The following ZNF862 variants were observed in gnomAD, a reference collection of about 807,000 sequenced individuals.
The protein encoded by ZNF862 is zinc finger protein 862.
A neutral mutation model predicts 91.1 loss-of-function variants in ZNF862; 64 were observed. The observed-to-expected ratio is 0.70, with a 90% CI of 0.57 to 0.87. The LOEUF (loss-of-function observed/expected upper bound fraction) is 0.87, where lower values mean the gene tolerates loss of function less well. Ranked by LOEUF, ZNF862 falls within the 40% of genes least tolerant of loss-of-function variation. ZNF862 has a pLI of 0.00. For synonymous variants in ZNF862, 631 were observed against 618.1 expected, an observed-to-expected ratio of 1.02 and a Z score of -0.31; for missense variants, 1,459 against 1,528.0, an observed-to-expected ratio of 0.95 and a Z score of 0.75.
intron 1 of ZNF862, chr7:149,841,188 C>T (rs754886945): frequency 6.1e-5 from 60 of 985,348 alleles, no homozygotes; most frequent in South Asian, 4.7e-5. Context: ...TGTTCTACAA[C>T]TCCACTCCGA....
intron 3 of ZNF862, among the ~76,000 whole-genome samples, chr7:149,846,613 T>C (rs1801881452): frequency 6.6e-6 from 1 of 152,144 alleles, no homozygotes; most frequent in Non-Finnish European, 1.5e-5. Context: ...AATGAATGAA[T>C]GAACAGCTGT....
At chr7:149,857,382 TA>T (rs1461311964) in intron 5 of ZNF862, among the ~76,000 whole-genome samples, 9 of 152,124 alleles carry the variant, frequency 5.9e-5, no homozygotes, top group Non-Finnish European at 5.9e-5. Flanking sequence ...CTAACAATGC[TA>T]TTTTTTTTAT....
intron 1 of ZNF862, among the ~76,000 whole-genome samples, chr7:149,843,685 G>C (rs77856513): frequency 0.01 from 1,559 of 152,222 alleles, 24 homozygotes; most frequent in African/African-American, 0.036. Context: ...ATAGCTCTGT[G>C]CTTGTGCGAG....
chr7:149,855,734 G>A lies in ZNF862; in HGVS notation c.1118-3688G>A, dbSNP rs1024546619. ...TATCACACTGGTAGCCAACCGTCAC[G>A]GGCAGGCCCCACAGACAACGCCAGG... On this transcript the variant is annotated intron_variant, in intron 5 of 7. Coordinates refer to ENST00000223210, the MANE Select transcript of ZNF862 (RefSeq NM_001099220.3). The surrounding 1 kb of genome is among the most constrained non-coding windows in gnomAD (Gnocchi z 4.1). Among the ~76,000 whole-genome samples the A allele has an allele frequency of 6.6e-6, 1 of 152,116 alleles. No individual in the cohort carries two copies. Among genetic ancestry groups the A allele is most frequent in the African/African-American group, 2.4e-5 (1 of 41,398 alleles).
At chr7:149,851,036 T>C (rs1415657176) in intron 5 of ZNF862, 1 of 152,332 alleles carries the variant, frequency 6.6e-6, no homozygotes, top group African/African-American at 2.4e-5. Flanking sequence ...GCATCTGCTG[T>C]TTTATCTTCT....
chr7:149,857,642 C>G (rs746992046), intron 5 of ZNF862, among the ~76,000 whole-genome samples: 1 of 152,096 alleles, frequency 6.6e-6, no homozygotes, highest in Non-Finnish European at 1.5e-5. Context: ...GGACTGGAAG[C>G]CCTGTGCATG....
Position 149,861,473 on chromosome 7 carries a change from G to C in ZNF862, c.2313G>C (p.Ala771=). ...GGCTGAACGAGCTGCAGGAAGGTGC[G>C]GCGCCTCTGGAGCAGGAGATCATCC... ...NKRLNELQEG[A]APLEQEIIRL... Residue 771 remains alanine, a synonymous_variant, in exon 7 of 8, where the codon GCG becomes GCC. Transcript: ENST00000223210. This position sits in a 1 kb window ranked among gnomAD's most constrained non-coding sequence, Gnocchi z 6.7. The C allele has an allele frequency of 1.9e-6, 3 of 1,613,118 alleles. No individual in the cohort carries two copies. The highest frequency in any genetic ancestry group is 1.1e-5 in the South Asian group (1 of 91,042).
intron 1 of ZNF862, among the ~76,000 whole-genome samples, chr7:149,840,208 A>T (rs1801656785): frequency 6.7e-6 from 1 of 150,298 alleles, no homozygotes; most frequent in Non-Finnish European, 1.5e-5. Flanking sequence ...AAAAAAAAAA[A>T]AAAAAAAAAA....
At chr7:149,863,218 C>G (rs1802582226) in intron 7 of ZNF862, among the ~76,000 whole-genome samples, 1 of 152,210 alleles carries the variant, frequency 6.6e-6, no homozygotes, top group African/African-American at 2.4e-5. Context: ...TCACTGAAAA[C>G]CAAAGAAAAT....
chr7:149,844,075 C>A (rs1274590349), intron 1 of ZNF862, among the ~76,000 whole-genome samples: 1 of 152,068 alleles, frequency 6.6e-6, no homozygotes. Flanking sequence ...CTTGTTTAAT[C>A]TGCCATCTTA....
chr7:149,859,669 G>C (rs2128941139), intron 6 of ZNF862, 143 bp downstream of exon 6: 1 of 656,854 alleles, frequency 1.5e-6, no homozygotes, highest in South Asian at 1.9e-5. Context: ...GGGTAGACAA[G>C]ATGAATAAGC....
rs373814141 is a variant in ZNF862, at chr7:149,860,950, C to T, written c.1790C>T (p.Thr597Met). ...ATATTAGGCAAGTACCGCAATCGCA[C>T]GGCGTGCACTCAGTTCATCAAGTAC... Reference protein sequence around the residue: ...TVILGKYRNRTACTQFIKYIS... With the variant: ...TVILGKYRNRMACTQFIKYIS... The change falls in exon 7 of 8, where the codon ACG (threonine) becomes ATG (methionine). Residue 597 changes from threonine (T) to methionine (M), a missense_variant. Transcript: ENST00000223210. 50 of 1,613,646 alleles carry T rather than the reference C, an allele frequency of 3.1e-5. No individual in the cohort carries two copies. The highest frequency in any genetic ancestry group is 2.9e-4 in the East Asian group (13 of 44,872).
chr7:149,843,507 T>G (rs1437393032), intron 1 of ZNF862, among the ~76,000 whole-genome samples: 1 of 152,168 alleles, frequency 6.6e-6, no homozygotes, highest in Non-Finnish European at 1.5e-5. Flanking sequence ...GATGATAGTT[T>G]TTTTTAAGTT....
intron 1 of ZNF862, 91 bp from the exon 2 acceptor site, chr7:149,844,534 C>A: frequency 1.2e-6 from 1 of 819,924 alleles, no homozygotes; most frequent in Non-Finnish European, 2.0e-6. Context: ...CACCCCTCCC[C>A]GTGTAGGGTG....
rs753490153 is a variant in ZNF862 at position 149,846,195 on chromosome 7, G to A, written c.181G>A (p.Gly61Arg). 2 of 1,613,664 alleles carry A rather than the reference G, an allele frequency of 1.2e-6. No individual in the cohort carries two copies. The highest frequency in any genetic ancestry group is 1.7e-6 in the Non-Finnish European group (2 of 1,179,830). Residue 61 changes from glycine (G) to arginine (R), a missense_variant, in exon 3 of 8, where the codon GGG becomes AGG. Physicochemically the swap from Gly to Arg is moderately radical, Grantham distance 125. Transcript: ENST00000223210. ...NPELFRKFGR[G>R]PEPWLGSVQG... ...TGAGCTGTTCCGCAAGTTCGGACGAGGGCCAGAGCCATGGCTTGGCAGCGT... is the reference window on the plus strand; with the variant it reads ...TGAGCTGTTCCGCAAGTTCGGACGAAGGCCAGAGCCATGGCTTGGCAGCGT...
At position 149,864,545 on chromosome 7, in the gene ZNF862, G is replaced by A. The variant is rs1013994946; in HGVS notation, c.*261G>A. The A allele has an allele frequency of 4.5e-6, 2 of 446,432 alleles. No individual in the cohort carries two copies. The highest frequency in any genetic ancestry group is 3.9e-5 in the South Asian group (1 of 25,584). The allele number at this position is 446,432 out of a possible 1,614,324, so 27.7% of individuals were successfully genotyped here. ...ATCTCAAGTTCATTTTTAAGGTGCT[G>A]CAGAAAATAACCCCATCATGAAAGG... On this transcript the variant is annotated 3_prime_UTR_variant, in exon 8 of 8. Transcript: ENST00000223210.
In ZNF862 at chr7:149,848,354, A is replaced by G; in HGVS notation, c.861A>G (p.Gln287=). ...MYLDCISDLR[Q]KEITDGIHSS... is the part of the protein sequence containing the mutation. ...TAGACTGCATTTCAGATTTGAGGCAAAAAGAAATCACTGATGGCATCCACA... is the reference window on the plus strand; with the variant it reads ...TAGACTGCATTTCAGATTTGAGGCAGAAAGAAATCACTGATGGCATCCACA... The change falls in exon 4 of 8, where the codon CAA becomes CAG. Residue 287 remains glutamine, a synonymous_variant. Transcript: ENST00000223210. 6.2e-7 allele frequency: 1 copy of G among 1,605,984 alleles called. No individual in the cohort carries two copies. Among genetic ancestry groups the G allele is most frequent in the Non-Finnish European group, 8.5e-7 (1 of 1,175,908 alleles).
intron 1 of ZNF862, 140 bp from the exon 2 acceptor site, chr7:149,844,485 G>A: frequency 1.7e-6 from 1 of 598,414 alleles, no homozygotes; most frequent in Non-Finnish European, 3.0e-6. Flanking sequence ...TACCCAGGTG[G>A]GGAGAGATGG....
intron 1 of ZNF862, among the ~76,000 whole-genome samples, chr7:149,842,027 A>C (rs576910703): frequency 6.6e-6 from 1 of 152,378 alleles, no homozygotes; most frequent in South Asian, 2.1e-4. Context: ...CAAGCAGCAT[A>C]GATTTCCTTA....
Sources: allele counts gnomAD v4.1 joint callset (sites outside exome capture counted in the v4.1 genomes callset), GRCh38; gene constraint gnomAD v4.1.1; non-coding constraint Gnocchi (gnomAD v3.1); transcripts MANE v1.5; gene names NCBI Gene and HGNC (gene_info 2026-07-23, HGNC 2026-07-21).